SLC25A21: variants seen among roughly 807,000 people sequenced by gnomAD.
SLC25A21 encodes the protein solute carrier family 25 member 21.
SLC25A21 carries 47 observed loss-of-function variants against 43.8 expected under a neutral mutation model. The observed-to-expected ratio is 1.07, with a 90% CI of 0.85 to 1.37. The LOEUF is 1.37. SLC25A21 is among the 40% of genes most tolerant of loss of function. The pLI is 0.00. For synonymous variants in SLC25A21, 131 were observed against 121.3 expected (o/e 1.08, Z -0.52); for missense variants, 352 against 350.2 (o/e 1.00, Z -0.04).
intron 9 of SLC25A21, among the ~76,000 whole-genome samples, chr14:36,681,266 G>T (rs1466411493): frequency 6.6e-6 from 1 of 152,192 alleles, no homozygotes; most frequent in Non-Finnish European, 1.5e-5. Flanking sequence ...ACAAAAGGAG[G>T]TTGAAAGCTA....
chr14:37,145,218 T>C (rs1963641680), intron 1 of SLC25A21, among the ~76,000 whole-genome samples: 2 of 151,988 alleles, frequency 1.3e-5, no homozygotes. Context: ...GTATCAGGCA[T>C]TAAGACATCA....
In SLC25A21 at chr14:36,764,036, A is replaced by AAGAAAGAAAGAAAGAAAGAAAGAAAG. The variant is rs35648476; in HGVS notation, c.204-29464_204-29463insCTTTCTTTCTTTCTTTCTTTCTTTCT. Among the ~76,000 whole-genome samples, 2 of 25,626 alleles carry AAGAAAGAAAGAAAGAAAGAAAGAAAG rather than the reference A, an allele frequency of 7.8e-5. 1 individual carries two copies. Among genetic ancestry groups the AAGAAAGAAAGAAAGAAAGAAAGAAAG allele is most frequent in the African/African-American group, 3.7e-4 (2 of 5,336 alleles). The allele number at this position is 25,626 out of a possible 152,430, so 16.8% of individuals were successfully genotyped here. ...AGAGCAAGACTCTGTGAAAGAAAGA[A>AAGAAAGAAAGAAAGAAAGAAAGAAAG]AAAGAAAGAAAGAAAGAAAGAAAGA... On this transcript the variant is annotated intron_variant, in intron 3 of 9. Coordinates refer to ENST00000331299, the MANE Select transcript of SLC25A21 (RefSeq NM_030631.4).
intron 7 of SLC25A21, among the ~76,000 whole-genome samples, chr14:36,702,110 A>T (rs1883301890): frequency 6.6e-6 from 1 of 152,074 alleles, no homozygotes; most frequent in Non-Finnish European, 1.5e-5. Flanking sequence ...AGTTGCCTTT[A>T]TATTATGTGC....
chr14:37,122,296 T>C (rs1963222839), intron 1 of SLC25A21, among the ~76,000 whole-genome samples: 1 of 152,226 alleles, frequency 6.6e-6, no homozygotes, highest in Admixed American at 6.5e-5. Context: ...TGGATTTTCA[T>C]GTCTAAATTC....
chr14:36,819,178 GAGCCAGATACC>G (rs756646411), intron 2 of SLC25A21, among the ~76,000 whole-genome samples: 2 of 152,116 alleles, frequency 1.3e-5, no homozygotes, highest in Admixed American at 1.3e-4. Context: ...CATTGCAAAG[GAGCCAGATACC>G]TATCTGCCGC....
At chr14:36,910,403 G>A (rs61988053) in intron 1 of SLC25A21, among the ~76,000 whole-genome samples, 75 of 152,156 alleles carry the variant, frequency 4.9e-4, no homozygotes, top group Admixed American at 1.0e-3. Context: ...GATAGAGTAC[G>A]GTAGCAACAG....
intron 1 of SLC25A21, among the ~76,000 whole-genome samples, chr14:37,002,157 T>C (rs761323367): frequency 1.3e-5 from 2 of 152,086 alleles, no homozygotes; most frequent in Admixed American, 1.3e-4. Flanking sequence ...TTATAATGTA[T>C]GAAACCAAGC....
intron 3 of SLC25A21, among the ~76,000 whole-genome samples, chr14:36,800,634 G>T (rs1239462113): frequency 6.6e-6 from 1 of 152,116 alleles, no homozygotes; most frequent in Non-Finnish European, 1.5e-5. Context: ...TGTTTGAGAA[G>T]ATGAAAAGTT....
At chr14:37,167,462 T>A (rs993898459) in intron 1 of SLC25A21, among the ~76,000 whole-genome samples, 1 of 151,202 alleles carries the variant, frequency 6.6e-6, no homozygotes, top group African/African-American at 2.4e-5. Flanking sequence ...CCTTGTTCAT[T>A]CCTGGGTATA....
Position 37,067,512 on chromosome 14 carries a change from C to T in SLC25A21, c.70+104769G>A, listed in dbSNP as rs546657839. ...ACAAATAAAGAGATTTTTTTTCTATCATCGGACCCTGACAAAATGGATTCC... is the reference window on the plus strand; with the variant it reads ...ACAAATAAAGAGATTTTTTTTCTATTATCGGACCCTGACAAAATGGATTCC... On this transcript the variant is annotated intron_variant, in intron 1 of 9. Transcript: ENST00000331299. 7.2e-4 allele frequency among the ~76,000 whole-genome samples: 109 copies of T among 152,076 alleles called. 3 individuals carry two copies. In the South Asian group the frequency reaches 0.022, roughly 31 times the overall value.
At chr14:37,083,072 A>G (rs1962419007) in intron 1 of SLC25A21, among the ~76,000 whole-genome samples, 1 of 152,238 alleles carries the variant, frequency 6.6e-6, no homozygotes, top group Non-Finnish European at 1.5e-5. Context: ...TAACTGACTT[A>G]ATAAATCAAA....
chr14:37,119,205 G>C (rs147562964), intron 1 of SLC25A21, among the ~76,000 whole-genome samples: 16 of 152,242 alleles, frequency 1.1e-4, no homozygotes, highest in African/African-American at 3.9e-4. Flanking sequence ...GGAACTGCCT[G>C]CCCCTTTCAC....
At chr14:36,879,662 T>G (rs1890652912) in intron 1 of SLC25A21, among the ~76,000 whole-genome samples, 1 of 152,046 alleles carries the variant, frequency 6.6e-6, no homozygotes, top group Admixed American at 6.6e-5. Flanking sequence ...TGAGCCAATA[T>G]TGGGAAAAAA....
At chr14:36,957,722 T>C (rs1217471242) in intron 1 of SLC25A21, among the ~76,000 whole-genome samples, 1 of 152,202 alleles carries the variant, frequency 6.6e-6, no homozygotes, top group African/African-American at 2.4e-5. Flanking sequence ...GAAACAGCAA[T>C]ATTTTTGATG....
Position 37,138,096 on chromosome 14 carries a change from A to G in SLC25A21, c.70+34185T>C, listed in dbSNP as rs150329527. Among the ~76,000 whole-genome samples the G allele has an allele frequency of 2.6e-5, 4 of 152,258 alleles. No individual in the cohort carries two copies. The East Asian group carries it at 5.8e-4, about 22-fold the overall frequency. On this transcript the variant is annotated intron_variant, in intron 1 of 9. Coordinates refer to ENST00000331299, the MANE Select transcript of SLC25A21 (RefSeq NM_030631.4). The stretch of plus-strand genomic sequence containing the variant: ...TTGCTTCTCTCCTGAGTGATTATCA[A>G]TCACTTTGGATGTTAGATGGTGACA...
intron 1 of SLC25A21, among the ~76,000 whole-genome samples, chr14:36,905,785 G>A (rs1015563427): frequency 3.9e-5 from 6 of 152,148 alleles, no homozygotes; most frequent in Admixed American, 3.3e-4. Flanking sequence ...TTTATGAGCC[G>A]CCTTGTCACA....
chr14:36,718,783 T>C (rs1286159290), intron 6 of SLC25A21, among the ~76,000 whole-genome samples: 1 of 152,208 alleles, frequency 6.6e-6, no homozygotes, highest in Non-Finnish European at 1.5e-5. Flanking sequence ...TTTAAAGATT[T>C]TCCCATCAGT....
Position 36,945,182 on chromosome 14 carries a change from C to T in SLC25A21, c.71-70178G>A, listed in dbSNP as rs1286209822. On this transcript the variant is annotated intron_variant, in intron 1 of 9. Transcript: ENST00000331299. ...AAAATGTCCCCATAATCCTTTCAAA[C>T]TACTGAGAAATAAGGTATGTTATCT... 3.3e-5 allele frequency among the ~76,000 whole-genome samples: 5 copies of T among 152,154 alleles called. No homozygotes were observed. In the East Asian group the frequency reaches 7.7e-4, roughly 23 times the overall value.
At chr14:36,832,549 A>G (rs1420023531) in intron 2 of SLC25A21, among the ~76,000 whole-genome samples, 1 of 152,174 alleles carries the variant, frequency 6.6e-6, no homozygotes. Context: ...ATAATATTCC[A>G]TATTAATTTA....
Sources: allele counts gnomAD v4.1 joint callset (sites outside exome capture counted in the v4.1 genomes callset), GRCh38; gene constraint gnomAD v4.1.1; transcripts MANE v1.5; gene names NCBI Gene and HGNC (gene_info 2026-07-23, HGNC 2026-07-21).